RCBTB2: variants seen among roughly 807,000 people sequenced by gnomAD.
The protein encoded by RCBTB2 is RCC1 and BTB domain-containing protein 2.
RCBTB2 carries 55 observed loss-of-function variants against 65.4 expected under a neutral mutation model. The observed-to-expected ratio is 0.84, with a 90% CI of 0.68 to 1.05. RCBTB2 has a LOEUF of 1.05. RCBTB2 is among the 50% of genes least tolerant of loss of function. The pLI, the probability that RCBTB2 is intolerant of heterozygous loss-of-function variation, is 0.00. For synonymous variants in RCBTB2, 220 were observed against 255.2 expected, an observed-to-expected ratio of 0.86 and a Z score of 1.31; for missense variants, 599 against 680.1, an observed-to-expected ratio of 0.88 and a Z score of 1.33.
intron 10 of RCBTB2, among the ~76,000 whole-genome samples, chr13:48,507,539 A>G (rs1290301801): frequency 6.6e-6 from 1 of 152,244 alleles, no homozygotes; most frequent in African/African-American, 2.4e-5. Context: ...AATGATCAAC[A>G]ACAACTGCTG....
rs535077650 is a variant in RCBTB2 at position 48,501,919 on chromosome 13, A to G, written c.1118-51T>C. On this transcript the variant is annotated intron_variant, in intron 11 of 14. Transcript: ENST00000344532. ...AGAGTTAGCTACAGACATAATGAAC[A>G]CACAGGACAGGATATGGCACTACTC... The G allele has an allele frequency of 1.8e-5, 28 of 1,578,496 alleles. No individual in the cohort carries two copies. In the Admixed American group the frequency reaches 4.5e-4, roughly 25 times the overall value.
chr13:48,535,611 GA>G, upstream of RCBTB2: 2 of 454,660 alleles, frequency 4.4e-6, no homozygotes, highest in Non-Finnish European at 8.9e-6. Context: ...CCCCTCCATT[GA>G]AACTCCTCTT....
chr13:48,532,781 G>A, intron 1 of RCBTB2: 1 of 308,518 alleles, frequency 3.2e-6, no homozygotes, highest in Non-Finnish European at 6.4e-6. Context: ...CTCTGCCTGC[G>A]GCCTGGGCTG....
intron 10 of RCBTB2, among the ~76,000 whole-genome samples, chr13:48,503,134 T>C (rs1386688024): frequency 6.6e-6 from 1 of 152,230 alleles, no homozygotes; most frequent in Admixed American, 6.5e-5. Flanking sequence ...CACACTTCAA[T>C]GGCACTTATA....
Position 48,510,658 on chromosome 13 carries a change from A to G in RCBTB2, c.897T>C (p.Tyr299=). The G allele has an allele frequency of 6.2e-7, 1 of 1,614,216 alleles. No individual in the cohort carries two copies. The highest frequency in any genetic ancestry group is 8.5e-7 in the Non-Finnish European group (1 of 1,180,046). Residue 299 remains tyrosine (Y), a synonymous_variant, in exon 10 of 15, where the codon TAT becomes TAC. Transcript: ENST00000344532. Reference sequence around the variant, plus strand: ...CCTTTTCCACAGTGACAGGAGTAGGATAGGACTGGTTGCTTTTATTGCCAG... The same window carrying G: ...CCTTTTCCACAGTGACAGGAGTAGGGTAGGACTGGTTGCTTTTATTGCCAG... ...LGTGNKSNQS[Y]PTPVTVEKDR...
Position 48,512,102 on chromosome 13 carries a change from T to A in RCBTB2, c.589A>T (p.Arg197Ter), listed in dbSNP as rs745475203. ...TTATTTTGTAGGCAGCCAGTGACTC[T>A]TCGAGGGATTGGCTGATTAACTGTT... ...GSTVNQPIPRRVTGCLQNKVV... is the reference protein window; with the variant it reads ...GSTVNQPIPR The change falls in exon 8 of 15, where the codon AGA (arginine) becomes TGA (stop). Residue 197 changes from arginine to a stop codon, truncating the protein, a stop_gained. Coordinates refer to ENST00000344532, the MANE Select transcript of RCBTB2 (RefSeq NM_001268.4). LOFTEE classifies it high-confidence loss of function. The A allele has an allele frequency of 3.7e-6, 6 of 1,614,154 alleles. No homozygotes were observed. The Admixed American group carries it at 1.0e-4, about 27-fold the overall frequency.
intron 12 of RCBTB2, among the ~76,000 whole-genome samples, chr13:48,500,423 T>C (rs1252631736): frequency 6.6e-6 from 1 of 152,064 alleles, no homozygotes; most frequent in Non-Finnish European, 1.5e-5. Flanking sequence ...CCAGGCATGG[T>C]GGTGTGCGCC....
intron 2 of RCBTB2, among the ~76,000 whole-genome samples, chr13:48,522,827 T>G (rs1951502582): frequency 6.6e-6 from 1 of 152,170 alleles, no homozygotes. Flanking sequence ...ATCTGGTATT[T>G]TCTACAGTAG....
chr13:48,505,383 C>G (rs1027562092), intron 10 of RCBTB2, among the ~76,000 whole-genome samples: 1 of 152,182 alleles, frequency 6.6e-6, no homozygotes, highest in African/African-American at 2.4e-5. Context: ...CAAATTAGTA[C>G]GACTTTCCCT....
chr13:48,521,896 A>G lies in RCBTB2; in HGVS notation c.42+2T>C. On this transcript the variant is annotated splice_donor_variant, in intron 4 of 14. Coordinates refer to ENST00000344532, the MANE Select transcript of RCBTB2 (RefSeq NM_001268.4). LOFTEE classifies it high-confidence loss of function. ...GCTCCAAGGGCATGATTTTTTTCTA[A>G]CCTTGCCACTGTCTCCAGAGAAAAG... 6.2e-7 allele frequency: 1 copy of G among 1,613,606 alleles called. No homozygotes were observed. The highest frequency in any genetic ancestry group is 1.7e-5 in the Admixed American group (1 of 60,004).
At chr13:48,528,954 C>T (rs1330044513) in intron 1 of RCBTB2, among the ~76,000 whole-genome samples, 2 of 151,998 alleles carry the variant, frequency 1.3e-5, no homozygotes, top group Non-Finnish European at 2.9e-5. Context: ...ATACAGAAAC[C>T]CTGTTGCTAT....
chr13:48,512,725 T>C lies in RCBTB2; in HGVS notation c.516+4A>G, dbSNP rs1243254189. The C allele has an allele frequency of 1.2e-6, 2 of 1,613,270 alleles. No individual in the cohort carries two copies. Among genetic ancestry groups the C allele is most frequent in the African/African-American group, 2.7e-5 (2 of 74,916 alleles). On this transcript the variant is annotated splice_donor_region_variant and intron_variant, in intron 7 of 14. Coordinates refer to ENST00000344532, the MANE Select transcript of RCBTB2 (RefSeq NM_001268.4). ...TCAATGAGCTTTATGCTGACTGTTC[T>C]CACCTCTCCATCAGATGTTAGCACC...
At chr13:48,493,416 G>T (rs1250592630) in intron 14 of RCBTB2, among the ~76,000 whole-genome samples, 1 of 150,550 alleles carries the variant, frequency 6.6e-6, no homozygotes, top group Non-Finnish European at 1.5e-5. Context: ...CCAGGAGGCA[G>T]GAGGATTACT....
chr13:48,508,489 C>T (rs1414316391), intron 10 of RCBTB2, among the ~76,000 whole-genome samples: 1 of 152,058 alleles, frequency 6.6e-6, no homozygotes, highest in Non-Finnish European at 1.5e-5. Context: ...CTGCAACCTC[C>T]ACTTCCTGGG....
intron 14 of RCBTB2, 145 bp downstream of exon 14, chr13:48,496,046 C>T (rs564464637): frequency 3.3e-4 from 201 of 617,106 alleles, no homozygotes; most frequent in African/African-American, 3.2e-3. Flanking sequence ...CTTGCTTATA[C>T]GTTGTCTAGT....
At chr13:48,531,387 T>C (rs1952111207) in intron 1 of RCBTB2, among the ~76,000 whole-genome samples, 1 of 152,132 alleles carries the variant, frequency 6.6e-6, no homozygotes, top group Non-Finnish European at 1.5e-5. Flanking sequence ...ATATATAATA[T>C]CAGATGGTGA....
chr13:48,493,309 A>ACCCTCTCTCTCTCTCT (rs1429120157), intron 14 of RCBTB2, among the ~76,000 whole-genome samples: 3 of 47,812 alleles, frequency 6.3e-5, no homozygotes, highest in Admixed American at 2.2e-4. Context: ...ACACACACAC[A>ACCCTCTCTCTCTCTCT]CACACACTCT....
intron 7 of RCBTB2, among the ~76,000 whole-genome samples, chr13:48,512,414 T>C (rs1473443065): frequency 6.6e-6 from 1 of 152,236 alleles, no homozygotes; most frequent in Non-Finnish European, 1.5e-5. Context: ...AAATAAAATG[T>C]AACACAAAAG....
Position 48,512,097 on chromosome 13 carries a change from G to A in RCBTB2, c.594C>T (p.Val198=). The A allele has an allele frequency of 6.2e-7, 1 of 1,614,122 alleles. No homozygotes were observed. The highest frequency in any genetic ancestry group is 8.5e-7 in the Non-Finnish European group (1 of 1,179,924). ...STVNQPIPRR[V]TGCLQNKVVV... ...CTACTTTATTTTGTAGGCAGCCAGT[G>A]ACTCTTCGAGGGATTGGCTGATTAA... is the stretch of plus-strand genomic sequence containing the variant. Residue 198 remains valine (V), a synonymous_variant, in exon 8 of 15, where the codon GTC becomes GTT. Transcript: ENST00000344532.
Sources: gnomAD v4.1 joint callset for allele counts (sites outside exome capture counted in the v4.1 genomes callset) on GRCh38, gnomAD v4.1.1 for gene constraint, MANE v1.5 for transcripts, NCBI Gene and HGNC (gene_info 2026-07-23, HGNC 2026-07-21) for gene names.